Variants in GFOD1 observed in about 807,000 individuals in gnomAD.
GFOD1 encodes Gfo/Idh/MocA-like oxidoreductase domain containing 1, also known as glucose-fructose oxidoreductase domain-containing protein 1.
In GFOD1, 9 loss-of-function variants were observed where a neutral mutation model predicts 25.4. The observed-to-expected ratio is 0.35, with a 90% CI of 0.21 to 0.62. GFOD1 has a LOEUF of 0.62. Ranked by LOEUF, GFOD1 falls within the 20% of genes least tolerant of loss-of-function variation. GFOD1 has a pLI of 0.72. For synonymous variants in GFOD1, 253 were observed against 245.6 expected, an observed-to-expected ratio of 1.03 and a Z score of -0.28; for missense variants, 403 against 556.9, an observed-to-expected ratio of 0.72 and a Z score of 2.78.
At chr6:13,439,867 C>A (rs143341856) in intron 1 of GFOD1, among the ~76,000 whole-genome samples, 2 of 152,094 alleles carry the variant, frequency 1.3e-5, no homozygotes, top group Non-Finnish European at 2.9e-5. Flanking sequence ...ACTGTTACAC[C>A]CTTGCTCTAG....
At position 13,362,544 on chromosome 6, in the gene GFOD1, C is replaced by T. The variant is rs928567819; in HGVS notation, c.*2199G>A. 1 of 151,708 alleles carries T rather than the reference C, an allele frequency of 6.6e-6. No homozygotes were observed. Among genetic ancestry groups the T allele is most frequent in the Non-Finnish European group, 1.5e-5 (1 of 67,924 alleles). The allele number at this position is 151,708 out of a possible 1,614,324, so 9.4% of individuals were successfully genotyped here. On this transcript the variant is annotated 3_prime_UTR_variant, in exon 2 of 2. Coordinates refer to ENST00000379287, the MANE Select transcript of GFOD1 (RefSeq NM_018988.4). ...CTCTGTTCAAACTATTATTGGGAGA[C>T]TTCCATTCCAGCAAATCTCTGGTTT...
At chr6:13,379,342 C>G (rs1290589463) in intron 1 of GFOD1, among the ~76,000 whole-genome samples, 1 of 152,130 alleles carries the variant, frequency 6.6e-6, no homozygotes, top group Non-Finnish European at 1.5e-5. Flanking sequence ...TGTTTGCTTT[C>G]CCAGAAGCCT....
chr6:13,395,984 A>G (rs563662), intron 1 of GFOD1, among the ~76,000 whole-genome samples: 98,532 of 152,114 alleles, frequency 0.65, 32,967 homozygotes, highest in South Asian at 0.74. Flanking sequence ...GAATGTCATC[A>G]TTGTATGTCA....
intron 1 of GFOD1, among the ~76,000 whole-genome samples, chr6:13,386,932 A>G (rs1449777091): frequency 2.0e-5 from 3 of 152,194 alleles, no homozygotes; most frequent in African/African-American, 7.2e-5. Flanking sequence ...CTGGTGAAAA[A>G]TGTTAAAAAG....
chr6:13,470,999 G>A (rs776099651), intron 1 of GFOD1, among the ~76,000 whole-genome samples: 2 of 152,174 alleles, frequency 1.3e-5, no homozygotes, highest in African/African-American at 4.8e-5. Context: ...CAGTAAGTAC[G>A]TATTAGTTGA....
chr6:13,395,667 C>T (rs1010519067), intron 1 of GFOD1, among the ~76,000 whole-genome samples: 2 of 152,322 alleles, frequency 1.3e-5, no homozygotes, highest in South Asian at 4.1e-4. Context: ...CAACTGGCTG[C>T]CAGTACTCAG....
At chr6:13,483,724 C>G (rs1199869803) in intron 1 of GFOD1, among the ~76,000 whole-genome samples, 2 of 152,100 alleles carry the variant, frequency 1.3e-5, no homozygotes, top group Non-Finnish European at 2.9e-5. Context: ...ACCTGGGCTG[C>G]CATGATCTAT....
intron 1 of GFOD1, among the ~76,000 whole-genome samples, chr6:13,426,991 C>G (rs866465149): frequency 1.4e-4 from 22 of 152,182 alleles, no homozygotes; most frequent in African/African-American, 5.3e-4. Flanking sequence ...GAAATATAAT[C>G]ATATCTCTCT....
intron 1 of GFOD1, among the ~76,000 whole-genome samples, chr6:13,443,116 T>A (rs1214367764): frequency 6.6e-6 from 1 of 152,168 alleles, no homozygotes; most frequent in Non-Finnish European, 1.5e-5. Flanking sequence ...CTTTGAGGGA[T>A]CCAAGACTTC....
At chr6:13,442,879 G>A (rs1757939070) in intron 1 of GFOD1, among the ~76,000 whole-genome samples, 2 of 152,184 alleles carry the variant, frequency 1.3e-5, no homozygotes, top group South Asian at 4.1e-4. Context: ...GGATCAAAGA[G>A]CAATTTTGAC....
intron 1 of GFOD1, among the ~76,000 whole-genome samples, chr6:13,390,818 A>AGGAAGGAAGGAG (rs1562202830): frequency 1.3e-5 from 2 of 151,412 alleles, no homozygotes; most frequent in African/African-American, 4.9e-5. Flanking sequence ...GAAGGAAGGA[A>AGGAAGGAAGGAG]GGAAGGAAGG....
At chr6:13,407,641 T>C (rs1785972710) in intron 1 of GFOD1, among the ~76,000 whole-genome samples, 1 of 152,198 alleles carries the variant, frequency 6.6e-6, no homozygotes, top group Non-Finnish European at 1.5e-5. Context: ...TTCAAAGGGC[T>C]TATCTTTGAA....
intron 1 of GFOD1, among the ~76,000 whole-genome samples, chr6:13,382,174 G>C (rs1335537859): frequency 6.6e-6 from 1 of 152,072 alleles, no homozygotes; most frequent in African/African-American, 2.4e-5. Flanking sequence ...TGCTTATCTT[G>C]ATTATAATAT....
rs115350626 is a variant in GFOD1, at chr6:13,427,972, C to T, written c.253+58666G>A. On this transcript the variant is annotated intron_variant, in intron 1 of 1. Transcript: ENST00000379287. ...CCAAAAGAGAAAAATCGCAAGTCCC[C>T]GATGGAAAGGTGTTGATGGCTCTCT... is the stretch of plus-strand genomic sequence containing the variant. 5.4e-3 allele frequency among the ~76,000 whole-genome samples: 816 copies of T among 152,216 alleles called. 10 individuals are homozygous for T. The highest frequency in any genetic ancestry group is 0.019 in the African/African-American group (780 of 41,528).
At chr6:13,458,204 G>A (rs1758225560) in intron 1 of GFOD1, among the ~76,000 whole-genome samples, 1 of 152,044 alleles carries the variant, frequency 6.6e-6, no homozygotes, top group East Asian at 1.9e-4. Flanking sequence ...TGCAACCTCT[G>A]CCTCCTCGGT....
chr6:13,375,326 T>C (rs139273109), intron 1 of GFOD1, among the ~76,000 whole-genome samples: 5 of 152,166 alleles, frequency 3.3e-5, no homozygotes, highest in African/African-American at 1.2e-4. Context: ...CACTTGCCTG[T>C]GCACATATAT....
At position 13,360,634 on chromosome 6, in the gene GFOD1, G is replaced by A. The variant is rs373104420; in HGVS notation, c.*4109C>T. 4.5e-6 allele frequency: 2 copies of A among 444,236 alleles called. No homozygotes were observed. Among genetic ancestry groups the A allele is most frequent in the South Asian group, 1.6e-5 (1 of 64,306 alleles). The allele number at this position is 444,236 out of a possible 1,614,324, so 27.5% of individuals were successfully genotyped here. On this transcript the variant is annotated 3_prime_UTR_variant, in exon 2 of 2. Transcript: ENST00000379287. The stretch of plus-strand genomic sequence containing the variant: ...TAGGAAGTCAATTTTAAAAAAGGCT[G>A]AGTGATATTTCCATTTTGGAATGGG...
At chr6:13,437,691 T>C (rs889341475) in intron 1 of GFOD1, among the ~76,000 whole-genome samples, 2 of 152,126 alleles carry the variant, frequency 1.3e-5, no homozygotes, top group African/African-American at 2.4e-5. Flanking sequence ...ATGTAACAGA[T>C]GGATGTGTAT....
At chr6:13,390,714 A>G (rs1785573385) in intron 1 of GFOD1, among the ~76,000 whole-genome samples, 1 of 122,140 alleles carries the variant, frequency 8.2e-6, no homozygotes, top group Non-Finnish European at 1.8e-5. Context: ...TGACAGTGAG[A>G]CCCTGTGAAA....
Sources: gnomAD v4.1 joint callset for allele counts (sites outside exome capture counted in the v4.1 genomes callset) on GRCh38, gnomAD v4.1.1 for gene constraint, MANE v1.5 for transcripts, NCBI Gene and HGNC (gene_info 2026-07-23, HGNC 2026-07-21) for gene names.